LRP12: variants seen among roughly 807,000 people sequenced by gnomAD.
The protein encoded by LRP12 is LDL receptor related protein 12, also known as low-density lipoprotein receptor-related protein 12.
LRP12 carries 14 observed loss-of-function variants against 66.0 expected under a neutral mutation model. The observed-to-expected ratio is 0.21, with a 90% CI of 0.14 to 0.33. LRP12 has a LOEUF of 0.33. Among genes scored for constraint, LRP12 ranks in the 10% least tolerant of loss-of-function variants. The pLI is 1.00. For synonymous variants in LRP12, 357 were observed against 359.1 expected (o/e 0.99, Z 0.07); for missense variants, 889 against 1,053.4 (o/e 0.84, Z 2.16).
chr8:104,567,409 G>A lies in LRP12; in HGVS notation c.79+21410C>T, dbSNP rs374130934. ...TTACTCACTATCACGAGAATAGCAC[G>A]GGAAAGACTGGCCCCCCATGATTTA... On this transcript the variant is annotated intron_variant, in intron 1 of 6. Coordinates refer to ENST00000276654, the MANE Select transcript of LRP12 (RefSeq NM_013437.5). Among the ~76,000 whole-genome samples, 12 of 152,136 alleles carry A rather than the reference G, an allele frequency of 7.9e-5. No individual in the cohort carries two copies. In the East Asian group the frequency reaches 1.2e-3, roughly 15 times the overall value.
chr8:104,550,391 CACCT>C (rs1036151542), intron 1 of LRP12, among the ~76,000 whole-genome samples: 5 of 152,160 alleles, frequency 3.3e-5, no homozygotes, highest in African/African-American at 1.2e-4. Flanking sequence ...ATTTCACAAT[CACCT>C]TATGAAGGAG....
At chr8:104,511,599 A>C (rs1171250831) in intron 2 of LRP12, among the ~76,000 whole-genome samples, 2 of 152,196 alleles carry the variant, frequency 1.3e-5, no homozygotes, top group Non-Finnish European at 1.5e-5. Flanking sequence ...GAAGTATATT[A>C]TGTAATTTAA....
intron 2 of LRP12, among the ~76,000 whole-genome samples, chr8:104,515,007 T>C (rs1437770530): frequency 6.6e-6 from 1 of 152,180 alleles, no homozygotes; most frequent in Non-Finnish European, 1.5e-5. Context: ...TGGGCACTAT[T>C]ATGCACTCGA....
Position 104,490,386 on chromosome 8 carries a change from A to G in LRP12, c.*287T>C. 3.6e-6 allele frequency: 1 copy of G among 276,036 alleles called. No individual in the cohort carries two copies. The highest frequency in any genetic ancestry group is 6.7e-6 in the Non-Finnish European group (1 of 148,230). The allele number at this position is 276,036 out of a possible 1,614,324, so 17.1% of individuals were successfully genotyped here. The stretch of plus-strand genomic sequence containing the variant: ...GACAATCAAATGAGTTTCAGCAGCC[A>G]CATTTCTACAGTGAACTACAGTATC... On this transcript the variant is annotated 3_prime_UTR_variant, in exon 7 of 7. Transcript: ENST00000276654.
intron 1 of LRP12, among the ~76,000 whole-genome samples, chr8:104,549,558 G>A (rs10955351): frequency 0.069 from 10,488 of 151,630 alleles, 413 homozygotes; most frequent in South Asian, 0.08. Context: ...GCCTGCCACC[G>A]CACCTGGCTA....
At chr8:104,580,293 G>A (rs977274389) in intron 1 of LRP12, among the ~76,000 whole-genome samples, 1 of 150,994 alleles carries the variant, frequency 6.6e-6, no homozygotes, top group African/African-American at 2.4e-5. Context: ...CAGGCAGGTG[G>A]ATCACGAGGT....
At chr8:104,552,196 T>G (rs2140881202) in intron 1 of LRP12, among the ~76,000 whole-genome samples, 1 of 152,300 alleles carries the variant, frequency 6.6e-6, no homozygotes, top group Non-Finnish European at 1.5e-5. Flanking sequence ...TTGAGCAGCT[T>G]CAGTCTTTAG....
At chr8:104,548,152 A>G (rs1564141767) in intron 1 of LRP12, among the ~76,000 whole-genome samples, 1 of 68,818 alleles carries the variant, frequency 1.5e-5, no homozygotes, top group African/African-American at 8.5e-5. Flanking sequence ...TATATTATAT[A>G]TTAATAATTA....
At chr8:104,549,788 C>T (rs1811700164) in intron 1 of LRP12, among the ~76,000 whole-genome samples, 1 of 152,154 alleles carries the variant, frequency 6.6e-6, no homozygotes, top group South Asian at 2.1e-4. Flanking sequence ...TCTGGATACT[C>T]AATGCTATTG....
intron 2 of LRP12, among the ~76,000 whole-genome samples, chr8:104,522,063 A>G (rs1250109755): frequency 6.6e-6 from 1 of 151,994 alleles, no homozygotes; most frequent in Non-Finnish European, 1.5e-5. Flanking sequence ...ACATTCTAGG[A>G]TAATAAAAGC....
chr8:104,544,760 C>G (rs1419690470), intron 1 of LRP12, among the ~76,000 whole-genome samples: 2 of 152,098 alleles, frequency 1.3e-5, no homozygotes, highest in Non-Finnish European at 2.9e-5. Context: ...CAAAATATTC[C>G]TGCTTGCTGG....
intron 6 of LRP12, among the ~76,000 whole-genome samples, chr8:104,492,153 GA>G (rs1564127777): frequency 6.6e-6 from 1 of 151,898 alleles, no homozygotes; most frequent in Non-Finnish European, 1.5e-5. Flanking sequence ...AAGACAACAA[GA>G]AACAACAAAA....
chr8:104,563,499 A>C (rs2140888745), intron 1 of LRP12, among the ~76,000 whole-genome samples: 1 of 152,256 alleles, frequency 6.6e-6, no homozygotes, highest in Middle Eastern at 3.4e-3. Flanking sequence ...AAGCAAATGA[A>C]TCTGTGTAAA....
At chr8:104,492,499 A>G (rs1473694607) in intron 6 of LRP12, among the ~76,000 whole-genome samples, 1 of 152,176 alleles carries the variant, frequency 6.6e-6, no homozygotes, top group East Asian at 1.9e-4. Context: ...CCAGGAAACA[A>G]TCTTAAGTTG....
At chr8:104,514,865 A>G (rs150468556) in intron 2 of LRP12, among the ~76,000 whole-genome samples, 1 of 152,340 alleles carries the variant, frequency 6.6e-6, no homozygotes, top group East Asian at 1.9e-4. Context: ...ATTACATGAT[A>G]TGCCAAATCA....
At chr8:104,552,545 A>G (rs1811745469) in intron 1 of LRP12, among the ~76,000 whole-genome samples, 1 of 152,028 alleles carries the variant, frequency 6.6e-6, no homozygotes, top group South Asian at 2.1e-4. Flanking sequence ...CAAATAGCTA[A>G]CTTTTCACTT....
At chr8:104,502,498 T>C (rs1810841551) in intron 3 of LRP12, among the ~76,000 whole-genome samples, 1 of 152,210 alleles carries the variant, frequency 6.6e-6, no homozygotes, top group Non-Finnish European at 1.5e-5. Flanking sequence ...TTCCAGTTAC[T>C]GTCCCATCCT....
intron 1 of LRP12, chr8:104,566,164 T>C (rs549491652): frequency 1.3e-5 from 8 of 613,304 alleles, no homozygotes; most frequent in African/African-American, 1.1e-4. Context: ...GAGAATATTG[T>C]ACACAAAGAT....
In LRP12 at chr8:104,550,859, T is replaced by C. The variant is rs112504010; in HGVS notation, c.80-18896A>G. 2.6e-5 allele frequency among the ~76,000 whole-genome samples: 4 copies of C among 152,128 alleles called. No individual in the cohort carries two copies. In the East Asian group the frequency reaches 7.7e-4, roughly 29 times the overall value. On this transcript the variant is annotated intron_variant, in intron 1 of 6. Transcript: ENST00000276654. ...TGCAAACTGGTTTTCCTACTTTTGGTCTCACAACTCTTTGATCCTTTTTGC... is the reference window on the plus strand; with the variant it reads ...TGCAAACTGGTTTTCCTACTTTTGGCCTCACAACTCTTTGATCCTTTTTGC...
Sources: allele counts gnomAD v4.1 joint callset (sites outside exome capture counted in the v4.1 genomes callset), GRCh38; gene constraint gnomAD v4.1.1; transcripts MANE v1.5; gene names NCBI Gene and HGNC (gene_info 2026-07-23, HGNC 2026-07-21).